The following LTBP2 variants were observed in gnomAD, a reference collection of about 807,000 sequenced individuals.
LTBP2 encodes latent-transforming growth factor beta-binding protein 2.
Under a neutral mutation model 210.6 loss-of-function variants are expected in LTBP2, and 103 were observed. The ratio of observed to expected loss-of-function variants is 0.49; its 90% CI spans 0.42 to 0.58. The LOEUF is 0.58. Ranked by LOEUF, LTBP2 falls within the 20% of genes least tolerant of loss-of-function variation. LTBP2 has a pLI of 0.00. For missense variants in LTBP2, 2,313 were observed against 2,494.5 expected (o/e 0.93, Z 1.55); for synonymous variants, 1,007 against 1,015.0 (o/e 0.99, Z 0.15).
chr14:74,499,343 C>T lies in LTBP2; in HGVS notation c.*1541G>A. On this transcript the variant is annotated 3_prime_UTR_variant, in exon 36 of 36. Transcript: ENST00000261978. ...TTTAAGCTTTCTATGTCTCAGTTTC[C>T]TCACCTGTAAATTGAGAATAAACAA... 1 of 222,028 alleles carries T rather than the reference C, an allele frequency of 4.5e-6. No homozygotes were observed. Among genetic ancestry groups the T allele is most frequent in the Non-Finnish European group, 9.0e-6 (1 of 110,778 alleles). The allele number at this position is 222,028 out of a possible 1,614,324, so 13.8% of individuals were successfully genotyped here. A position where few individuals can be genotyped will look rare whatever the true frequency, so the allele number is the denominator to read the frequency against.
intron 8 of LTBP2, among the ~76,000 whole-genome samples, chr14:74,542,747 A>G (rs1375111881): frequency 6.7e-6 from 1 of 149,362 alleles, no homozygotes; most frequent in African/African-American, 2.5e-5. Flanking sequence ...CCTGGGGCAC[A>G]TTTCTTAACC....
intron 13 of LTBP2, 95 bp from the exon 14 acceptor site, chr14:74,526,209 A>G (rs1595253824): frequency 8.3e-7 from 1 of 1,201,890 alleles, no homozygotes; most frequent in East Asian, 2.5e-5. Context: ...CGGGCTTCCT[A>G]CCAGGAGCTC....
In LTBP2 at chr14:74,553,031, G is replaced by A; in HGVS notation, c.1053C>T (p.Ile351=). 1 of 1,614,174 alleles carries A rather than the reference G, an allele frequency of 6.2e-7. No homozygotes were observed. The highest frequency in any genetic ancestry group is 8.5e-7 in the Non-Finnish European group (1 of 1,180,022). ...AGATGGTGGGAGTGAAGACGATCTTGATCTTCTTGATTTTCTCCGTGAGGT... is the reference window on the plus strand; with the variant it reads ...AGATGGTGGGAGTGAAGACGATCTTAATCTTCTTGATTTTCTCCGTGAGGT... The part of the protein sequence containing the change: ...GLNLTEKIKK[I]KIVFTPTICK... Residue 351 remains isoleucine, a synonymous_variant, in exon 5 of 36, where the codon ATC becomes ATT. Coordinates refer to ENST00000261978, the MANE Select transcript of LTBP2 (RefSeq NM_000428.3).
intron 8 of LTBP2, among the ~76,000 whole-genome samples, chr14:74,538,876 G>C (rs12588688): frequency 6.6e-6 from 1 of 152,030 alleles, no homozygotes; most frequent in Non-Finnish European, 1.5e-5. Flanking sequence ...ACGCTGAGAA[G>C]GAGATGGAAA....
chr14:74,508,869 G>T lies in LTBP2; in HGVS notation c.3487C>A (p.Pro1163Thr). The T allele has an allele frequency of 6.2e-7, 1 of 1,613,792 alleles. No individual in the cohort carries two copies. The highest frequency in any genetic ancestry group is 8.5e-7 in the Non-Finnish European group (1 of 1,179,968). Residue 1163 changes from proline (P) to threonine (T), a missense_variant, in exon 23 of 36, where the codon CCC (proline) becomes ACC (threonine). This residue lies in a region of LTBP2 where 1,867 missense variants were observed against 1,976.9 expected (regional missense o/e 0.94). Transcript: ENST00000261978. The stretch of plus-strand genomic sequence containing the variant: ...CCATTGGCCAGCTGGAAGCCCTGGG[G>T]ACAGAGGCACTGGTAGGAGCCCACA... The part of the protein sequence containing the change: ...NTVGSYQCLC[P>T]QGFQLANGTV...
At chr14:74,541,213 A>G (rs755617672) in intron 8 of LTBP2, among the ~76,000 whole-genome samples, 10 of 151,898 alleles carry the variant, frequency 6.6e-5, no homozygotes, top group Non-Finnish European at 1.5e-4. Flanking sequence ...TTACTTTTCC[A>G]TCTCTCCACA....
chr14:74,609,434 C>T (rs890758237), intron 1 of LTBP2, among the ~76,000 whole-genome samples: 3 of 152,064 alleles, frequency 2.0e-5, no homozygotes, highest in Non-Finnish European at 2.9e-5. Context: ...CCCCCACGCT[C>T]CACTTCCCCA....
intron 8 of LTBP2, among the ~76,000 whole-genome samples, chr14:74,548,637 C>T (rs1228488010): frequency 6.6e-6 from 1 of 152,212 alleles, no homozygotes; most frequent in Non-Finnish European, 1.5e-5. Context: ...CAGTTTGATG[C>T]ACATCTCCTG....
intron 3 of LTBP2, among the ~76,000 whole-genome samples, chr14:74,570,792 GC>G (rs2087965315): frequency 6.6e-6 from 1 of 152,144 alleles, no homozygotes; most frequent in East Asian, 1.9e-4. Flanking sequence ...AGCTCTGTCT[GC>G]CTCTGGGGGA....
At chr14:74,570,206 T>A (rs1298125304) in intron 3 of LTBP2, among the ~76,000 whole-genome samples, 1 of 152,090 alleles carries the variant, frequency 6.6e-6, no homozygotes, top group Non-Finnish European at 1.5e-5. Context: ...TCACCACCAC[T>A]AACTTGGCCA....
chr14:74,503,826 G>C (rs1185328389), intron 31 of LTBP2, 100 bp downstream of exon 31: 2 of 1,539,096 alleles, frequency 1.3e-6, no homozygotes, highest in Non-Finnish European at 1.8e-6. Context: ...TCCCTAGGAA[G>C]GGGGACTCTC....
At chr14:74,538,919 C>G (rs1281432514) in intron 8 of LTBP2, among the ~76,000 whole-genome samples, 5 of 152,178 alleles carry the variant, frequency 3.3e-5, no homozygotes, top group African/African-American at 9.7e-5. Context: ...GTGCACGTCC[C>G]TGGCGTGGGG....
chr14:74,507,689 G>C (rs1274935769), intron 25 of LTBP2, among the ~76,000 whole-genome samples: 2 of 152,202 alleles, frequency 1.3e-5, no homozygotes, highest in Non-Finnish European at 2.9e-5. Context: ...ATCCATAACT[G>C]TCTATTTGTC....
Position 74,588,861 on chromosome 14 carries a change from G to A in LTBP2, c.566-2743C>T, listed in dbSNP as rs1023036890. ...CCCAGCTAGTTAATGGTGGAGCCAG[G>A]ATTCAAATCTAGTTCTATGTGACTG... On this transcript the variant is annotated intron_variant, in intron 2 of 35. Coordinates refer to ENST00000261978, the MANE Select transcript of LTBP2 (RefSeq NM_000428.3). 1.3e-4 allele frequency among the ~76,000 whole-genome samples: 20 copies of A among 152,188 alleles called. 1 individual carries two copies. Among genetic ancestry groups the A allele is most frequent in the Admixed American group, 1.2e-3 (18 of 15,274 alleles).
rs1053806909 is a variant in LTBP2 at position 74,586,572 on chromosome 14, C to T, written c.566-454G>A. ...AATCAGTCTCTTTTGCGGGAAAGGG[C>T]CCAACACTGGCCTGAAATTCAAGCG... On this transcript the variant is annotated intron_variant, in intron 2 of 35. Coordinates refer to ENST00000261978, the MANE Select transcript of LTBP2 (RefSeq NM_000428.3). The surrounding 1 kb of genome is among the most constrained non-coding windows in gnomAD (Gnocchi z 4.6). 3.9e-5 allele frequency among the ~76,000 whole-genome samples: 6 copies of T among 152,158 alleles called. No individual in the cohort carries two copies. Among genetic ancestry groups the T allele is most frequent in the African/African-American group, 1.4e-4 (6 of 41,432 alleles).
intron 2 of LTBP2, among the ~76,000 whole-genome samples, chr14:74,592,506 T>C (rs1317448406): frequency 1.3e-5 from 2 of 152,102 alleles, no homozygotes; most frequent in Non-Finnish European, 2.9e-5. Context: ...ACTTATATAT[T>C]TTGTAGAGTG....
At chr14:74,582,212 C>T (rs2088145484) in intron 3 of LTBP2, among the ~76,000 whole-genome samples, 1 of 151,798 alleles carries the variant, frequency 6.6e-6, no homozygotes, top group Admixed American at 6.6e-5. Context: ...CCCTCCCATT[C>T]TTGACACCTC....
At chr14:74,540,822 T>TATATATA (rs1253529515) in intron 8 of LTBP2, among the ~76,000 whole-genome samples, 1,833 of 66,952 alleles carry the variant, frequency 0.027, 220 homozygotes, top group Non-Finnish European at 0.042. Flanking sequence ...ATATATATAT[T>TATATATA]TTTATATAAT....
In LTBP2 at chr14:74,498,581, TAAAC is replaced by T. The variant is rs1198055869; in HGVS notation, c.*2299_*2302del. On this transcript the variant is annotated 3_prime_UTR_variant, in exon 36 of 36. Transcript: ENST00000261978. ...CATGCATAGTATGCTATTTGTATTTTAAACAAAGGAAATATGTATATATGCATAC... is the reference window on the plus strand; with the variant it reads ...CATGCATAGTATGCTATTTGTATTTTAAAGGAAATATGTATATATGCATAC... The T allele has an allele frequency of 8.7e-6, 2 of 229,530 alleles. No individual in the cohort carries two copies. Among genetic ancestry groups the T allele is most frequent in the Non-Finnish European group, 1.7e-5 (2 of 115,788 alleles). The allele number at this position is 229,530 out of a possible 1,614,324, so 14.2% of individuals were successfully genotyped here. A position where few individuals can be genotyped will look rare whatever the true frequency, so the allele number is the denominator to read the frequency against.
Sources: allele counts gnomAD v4.1 joint callset (sites outside exome capture counted in the v4.1 genomes callset), GRCh38; gene constraint gnomAD v4.1.1; regional missense constraint gnomAD v4.1.1; non-coding constraint Gnocchi (gnomAD v3.1); transcripts MANE v1.5; gene names NCBI Gene and HGNC (gene_info 2026-07-23, HGNC 2026-07-21).